Variants in PDE8B observed in about 807,000 individuals in gnomAD.
PDE8B encodes the protein high affinity cAMP-specific and IBMX-insensitive 3',5'-cyclic phosphodiesterase 8B.
In PDE8B, 26 loss-of-function variants were observed where a neutral mutation model predicts 101.3. The ratio of observed to expected loss-of-function variants is 0.26; its 90% CI spans 0.19 to 0.36. The LOEUF is 0.36. Among genes scored for constraint, PDE8B ranks in the 10% least tolerant of loss-of-function variants. The pLI, the probability that PDE8B is intolerant of heterozygous loss-of-function variation, is 1.00. For missense variants in PDE8B, 810 were observed against 1,163.1 expected (o/e 0.70, Z 4.42); for synonymous variants, 424 against 429.3 (o/e 0.99, Z 0.15).
At chr5:77,119,971 C>T in the PDE8B span, among the ~76,000 whole-genome samples, 3 of 151,842 alleles carry the variant, frequency 2.0e-5, no homozygotes, top group East Asian at 5.8e-4. Flanking sequence ...AATCACCCAC[C>T]CTGGGTGATA....
intron 1 of PDE8B, chr5:77,291,307 A>G: frequency 4.3e-6 from 7 of 1,612,940 alleles, no homozygotes; most frequent in Non-Finnish European, 5.9e-6. Context: ...CTCCACACCA[A>G]GCAGGCAGTG....
chr5:77,244,655 C>A (rs78330562), intron 1 of PDE8B, among the ~76,000 whole-genome samples: 14,369 of 152,014 alleles, frequency 0.095, 1,102 homozygotes, highest in African/African-American at 0.22. Flanking sequence ...CTCTCTCTCT[C>A]TATATATAAA....
At chr5:77,117,376 A>C in the PDE8B span, among the ~76,000 whole-genome samples, 1 of 152,198 alleles carries the variant, frequency 6.6e-6, no homozygotes, top group Non-Finnish European at 1.5e-5. Flanking sequence ...GAAGTCAGAC[A>C]AACAGGGAAC....
intron 17 of PDE8B, 151 bp downstream of exon 17, chr5:77,413,460 T>C (rs535080967): frequency 3.0e-6 from 2 of 669,438 alleles, no homozygotes; most frequent in South Asian, 1.8e-5. Flanking sequence ...CTAGTCACTT[T>C]GGTGTTGTAA....
chr5:77,147,699 A>T, the PDE8B span: 2 of 152,146 alleles, frequency 1.3e-5, no homozygotes, highest in African/African-American at 4.8e-5. Flanking sequence ...TTGCCATGTG[A>T]AGAGGGCCAT....
chr5:77,308,791 C>G (rs2150096935), intron 1 of PDE8B, among the ~76,000 whole-genome samples: 1 of 152,266 alleles, frequency 6.6e-6, no homozygotes, highest in African/African-American at 2.4e-5. Context: ...CAGATATTCT[C>G]CTGGTAGAGT....
At chr5:77,413,330 C>A in intron 17 of PDE8B, 21 bp downstream of exon 17, 1 of 1,589,112 alleles carries the variant, frequency 6.3e-7, no homozygotes, top group Non-Finnish European at 8.6e-7. Flanking sequence ...GATATCATGA[C>A]CTAGTTACCT....
intron 8 of PDE8B, among the ~76,000 whole-genome samples, chr5:77,349,964 C>T (rs1423083287): frequency 6.6e-6 from 1 of 152,102 alleles, no homozygotes; most frequent in Non-Finnish European, 1.5e-5. Context: ...TTTTCCTTTT[C>T]TGTTCTCTGA....
chr5:77,092,868 C>A, the PDE8B span, among the ~76,000 whole-genome samples: 2 of 152,138 alleles, frequency 1.3e-5, no homozygotes, highest in African/African-American at 4.8e-5. Flanking sequence ...TGCAGTGAGA[C>A]CTGATCACAT....
intron 1 of PDE8B, among the ~76,000 whole-genome samples, chr5:77,248,431 A>G (rs1757400620): frequency 7.0e-6 from 1 of 142,952 alleles, no homozygotes; most frequent in African/African-American, 2.6e-5. Flanking sequence ...GAAACCCCCA[A>G]TTAAATTAGT....
At chr5:77,260,096 G>A (rs1416537751) in intron 1 of PDE8B, among the ~76,000 whole-genome samples, 4 of 142,146 alleles carry the variant, frequency 2.8e-5, no homozygotes, top group Non-Finnish European at 6.0e-5. Flanking sequence ...CTCGGGAGTT[G>A]CAGTGAGCAA....
chr5:77,117,229 T>C, the PDE8B span, among the ~76,000 whole-genome samples: 1 of 152,186 alleles, frequency 6.6e-6, no homozygotes. Context: ...AAGCGCTCTG[T>C]CTCTGGAAAT....
chr5:77,095,751 G>T, the PDE8B span, among the ~76,000 whole-genome samples: 2 of 152,032 alleles, frequency 1.3e-5, no homozygotes, highest in African/African-American at 4.8e-5. Context: ...TTGGGGCATT[G>T]TCCCCATAAA....
At chr5:77,135,833 A>G in the PDE8B span, among the ~76,000 whole-genome samples, 1 of 151,546 alleles carries the variant, frequency 6.6e-6, no homozygotes, top group South Asian at 2.1e-4. Context: ...GCTGGTCTTG[A>G]ACTTCTGGCC....
intron 10 of PDE8B, among the ~76,000 whole-genome samples, chr5:77,388,506 C>T (rs1181696611): frequency 6.6e-6 from 1 of 152,200 alleles, no homozygotes. Flanking sequence ...AGGTGTCTGT[C>T]GGCCCCTACT....
chr5:77,225,772 C>T (rs1024696890), intron 1 of PDE8B, among the ~76,000 whole-genome samples: 1 of 151,938 alleles, frequency 6.6e-6, no homozygotes, highest in Admixed American at 6.6e-5. Flanking sequence ...TTTCTATTTC[C>T]TCTTTCCCAT....
At chr5:77,149,707 C>T in the PDE8B span, among the ~76,000 whole-genome samples, 1 of 152,178 alleles carries the variant, frequency 6.6e-6, no homozygotes, top group South Asian at 2.1e-4. Flanking sequence ...GATCTTAGAT[C>T]CTGCAGCTTT....
the PDE8B span, among the ~76,000 whole-genome samples, chr5:77,160,281 T>C: frequency 2.6e-5 from 4 of 152,124 alleles, no homozygotes; most frequent in East Asian, 5.8e-4. Flanking sequence ...ATTATAGTAA[T>C]CTCTCAGCAT....
chr5:77,332,122 TA>T (rs1458950433), intron 5 of PDE8B, among the ~76,000 whole-genome samples: 1 of 152,018 alleles, frequency 6.6e-6, no homozygotes, highest in African/African-American at 2.4e-5. Flanking sequence ...AGAATGGACT[TA>T]AAAGAGAAGA....
Sources: allele counts gnomAD v4.1 joint callset (sites outside exome capture counted in the v4.1 genomes callset), GRCh38; gene constraint gnomAD v4.1.1; transcripts MANE v1.5; gene names NCBI Gene and HGNC (gene_info 2026-07-23, HGNC 2026-07-21).